BBS9: variants seen among roughly 807,000 people sequenced by gnomAD.
BBS9 encodes Bardet-Biedl syndrome 9, also known as protein PTHB1.
BBS9 carries 89 observed loss-of-function variants against 117.7 expected under a neutral mutation model. The ratio of observed to expected loss-of-function variants is 0.76; its 90% CI spans 0.64 to 0.90. BBS9 has a LOEUF of 0.90. Among genes scored for constraint, BBS9 ranks in the 40% least tolerant of loss-of-function variants. BBS9 has a pLI of 0.00. For missense variants in BBS9, 982 were observed against 1,042.2 expected, an observed-to-expected ratio of 0.94 and a Z score of 0.80; for synonymous variants, 379 against 370.9, an observed-to-expected ratio of 1.02 and a Z score of -0.25.
At chr7:33,457,496 A>T (rs1053188338) in intron 19 of BBS9, among the ~76,000 whole-genome samples, 8 of 152,134 alleles carry the variant, frequency 5.3e-5, no homozygotes, top group Admixed American at 3.3e-4. Flanking sequence ...AAGCACTGTC[A>T]CTATAGTCAC....
intron 21 of BBS9, among the ~76,000 whole-genome samples, chr7:33,619,688 A>T (rs759604899): frequency 9.9e-5 from 15 of 152,204 alleles, no homozygotes; most frequent in Non-Finnish European, 1.8e-4. Flanking sequence ...TGAAACTATA[A>T]TAACAGGAAA....
chr7:33,207,548 T>C (rs891927458), intron 5 of BBS9, among the ~76,000 whole-genome samples: 25 of 152,036 alleles, frequency 1.6e-4, no homozygotes, highest in Non-Finnish European at 3.2e-4. Flanking sequence ...TTTTTTTTTT[T>C]TTGTTAGCAT....
intron 5 of BBS9, among the ~76,000 whole-genome samples, chr7:33,192,662 A>T (rs1018134900): frequency 2.6e-5 from 4 of 152,298 alleles, no homozygotes; most frequent in Non-Finnish European, 5.9e-5. Flanking sequence ...GTGTTGCTAT[A>T]CCAAAACACC....
intron 9 of BBS9, among the ~76,000 whole-genome samples, chr7:33,331,834 T>C (rs561015703): frequency 6.6e-6 from 1 of 152,134 alleles, no homozygotes; most frequent in South Asian, 2.1e-4. Flanking sequence ...AATCCCAAGC[T>C]CAAGGATGGG....
chr7:33,398,545 C>T (rs1229282589), intron 19 of BBS9, among the ~76,000 whole-genome samples: 2 of 152,046 alleles, frequency 1.3e-5, no homozygotes, highest in Non-Finnish European at 2.9e-5. Context: ...GAGTAATCTC[C>T]AAAGAGTGTT....
At chr7:33,352,244 C>A (rs1328798383) in intron 14 of BBS9, among the ~76,000 whole-genome samples, 1 of 152,148 alleles carries the variant, frequency 6.6e-6, no homozygotes, top group Non-Finnish European at 1.5e-5. Context: ...AAGAACAGAT[C>A]TTTTAAAACT....
chr7:33,299,714 G>A (rs1275048398), intron 9 of BBS9, among the ~76,000 whole-genome samples: 1 of 151,460 alleles, frequency 6.6e-6, no homozygotes, highest in Non-Finnish European at 1.5e-5. Context: ...TCAGGCACTG[G>A]GCTAAGCCCT....
chr7:33,293,541 C>T (rs1422511214), intron 9 of BBS9, among the ~76,000 whole-genome samples: 1 of 151,910 alleles, frequency 6.6e-6, no homozygotes, highest in African/African-American at 2.4e-5. Context: ...TCTGGAGGTC[C>T]CATGATGTCA....
At chr7:33,295,079 A>G (rs1804975098) in intron 9 of BBS9, among the ~76,000 whole-genome samples, 1 of 152,114 alleles carries the variant, frequency 6.6e-6, no homozygotes, top group Admixed American at 6.5e-5. Context: ...CATTTAAAAT[A>G]TGGTTCTAGA....
At chr7:33,177,622 T>G (rs1562741888) in intron 5 of BBS9, 31 bp downstream of exon 5, 1 of 1,384,356 alleles carries the variant, frequency 7.2e-7, no homozygotes, top group Non-Finnish European at 1.0e-6. Context: ...AGTATGCTAT[T>G]TCAAGTGACA....
intron 19 of BBS9, among the ~76,000 whole-genome samples, chr7:33,461,610 A>T (rs1470917273): frequency 6.6e-6 from 1 of 151,946 alleles, no homozygotes; most frequent in African/African-American, 2.4e-5. Flanking sequence ...GCAGAAGTCA[A>T]TTTAAATGTT....
chr7:33,392,903 C>T (rs866142122), intron 19 of BBS9, among the ~76,000 whole-genome samples: 3 of 152,076 alleles, frequency 2.0e-5, no homozygotes, highest in African/African-American at 2.4e-5. Context: ...TGGTGACTCA[C>T]GCCTGTAATC....
intron 9 of BBS9, among the ~76,000 whole-genome samples, chr7:33,306,186 A>T (rs564600830): frequency 6.6e-6 from 1 of 151,886 alleles, no homozygotes; most frequent in African/African-American, 2.4e-5. Flanking sequence ...TTTAGTTTCC[A>T]TGTGTTTGTA....
intron 21 of BBS9, among the ~76,000 whole-genome samples, chr7:33,597,677 C>CAA (rs140418894): frequency 6.1e-5 from 9 of 146,830 alleles, no homozygotes; most frequent in Admixed American, 2.0e-4. Context: ...GATCTTCCTG[C>CAA]AAAAAAAAAA....
intron 21 of BBS9, among the ~76,000 whole-genome samples, chr7:33,613,714 A>C (rs534506020): frequency 8.1e-4 from 123 of 152,214 alleles, no homozygotes; most frequent in African/African-American, 3.0e-3. Context: ...CAGATGGAAA[A>C]GTGTAGGATC....
intron 5 of BBS9, among the ~76,000 whole-genome samples, chr7:33,244,707 TATTTTGC>T (rs1054551655): frequency 3.3e-5 from 5 of 152,320 alleles, no homozygotes; most frequent in South Asian, 2.1e-4. Flanking sequence ...TAATAAGGCT[TATTTTGC>T]ATTTGAAGAT....
chr7:33,314,179 G>C, intron 9 of BBS9: 1 of 359,136 alleles, frequency 2.8e-6, no homozygotes, highest in Non-Finnish European at 5.3e-6. Flanking sequence ...TTCTGGCCTA[G>C]AATCATGTCT....
intron 19 of BBS9, among the ~76,000 whole-genome samples, chr7:33,409,321 G>C (rs1285405996): frequency 6.6e-6 from 1 of 152,162 alleles, no homozygotes; most frequent in African/African-American, 2.4e-5. Flanking sequence ...TCCATCTTGA[G>C]TTAATTTTAT....
At chr7:33,355,151 AG>A (rs1310326563) in intron 15 of BBS9, among the ~76,000 whole-genome samples, 1 of 151,970 alleles carries the variant, frequency 6.6e-6, no homozygotes, top group Admixed American at 6.6e-5. Flanking sequence ...AACTGTGAAA[AG>A]TCTTTAAATA....
Sources: allele counts gnomAD v4.1 joint callset (sites outside exome capture counted in the v4.1 genomes callset), GRCh38; gene constraint gnomAD v4.1.1; transcripts MANE v1.5; gene names NCBI Gene and HGNC (gene_info 2026-07-23, HGNC 2026-07-21).